Variants in NPTX1 observed in about 807,000 individuals in gnomAD.
NPTX1 encodes neuronal pentraxin-1.
Under a neutral mutation model 38.7 loss-of-function variants are expected in NPTX1, and 12 were observed. That is an observed-to-expected ratio of 0.31 (90% CI 0.20 to 0.50). The LOEUF (loss-of-function observed/expected upper bound fraction) is 0.50, where lower values mean the gene tolerates loss of function less well. Among genes scored for constraint, NPTX1 ranks in the 20% least tolerant of loss-of-function variants. NPTX1 has a pLI of 0.98. For missense variants in NPTX1, 454 were observed against 592.2 expected, an observed-to-expected ratio of 0.77 and a Z score of 2.42; for synonymous variants, 272 against 264.9, an observed-to-expected ratio of 1.03 and a Z score of -0.26.
chr17:80,476,116 G>T lies in NPTX1; in HGVS notation c.331C>A (p.Pro111Thr), dbSNP rs1401772233. 2.5e-6 allele frequency: 4 copies of T among 1,600,616 alleles called. No individual in the cohort carries two copies. Among genetic ancestry groups the T allele is most frequent in the Non-Finnish European group, 3.4e-6 (4 of 1,176,710 alleles). Residue 111 changes from proline (P) to threonine (T), a missense_variant, in exon 1 of 5, where the codon CCC becomes ACC. Coordinates refer to ENST00000306773, the MANE Select transcript of NPTX1 (RefSeq NM_002522.4). The surrounding 1 kb of genome is among the most constrained non-coding windows in gnomAD (Gnocchi z 6.3). ...EARAGGGRKQ[P>T]GSGKNTMGDL... ...CCCATGGTGTTCTTGCCCGAGCCGG[G>T]CTGCTTGCGGCCGCCGCCCGCCCGG...
chr17:80,470,837 G>A lies in NPTX1; in HGVS notation c.1275C>T (p.Phe425=), dbSNP rs757761368. The change falls in exon 5 of 5, where the codon TTC becomes TTT. Residue 425 remains phenylalanine, a synonymous_variant. Coordinates refer to ENST00000306773, the MANE Select transcript of NPTX1 (RefSeq NM_002522.4). ...EIYGGATKWT[F]EACRQIN ...CTCAGTTGATCTGGCGACAGGCCTC[G>A]AAGGTCCACTTGGTGGCCCCTCCGT... 2.8e-5 allele frequency: 45 copies of A among 1,600,374 alleles called. No homozygotes were observed. Among genetic ancestry groups the A allele is most frequent in the African/African-American group, 5.4e-5 (4 of 74,742 alleles).
At chr17:80,472,271 G>C (rs755343964) in intron 3 of NPTX1, among the ~76,000 whole-genome samples, 7 of 152,150 alleles carry the variant, frequency 4.6e-5, no homozygotes, top group Non-Finnish European at 1.0e-4. Flanking sequence ...GCCTCTCAAG[G>C]CTCCGTGCGA....
At position 80,467,430 on chromosome 17, in the gene NPTX1, G is replaced by C. The variant is rs377544013; in HGVS notation, c.*3383C>G. ...GGTTAGAACTGATATTCAAATCCTCGGCTCATTCCACTTAGTAAGTCAGCT... is the reference window on the plus strand; with the variant it reads ...GGTTAGAACTGATATTCAAATCCTCCGCTCATTCCACTTAGTAAGTCAGCT... On this transcript the variant is annotated 3_prime_UTR_variant, in exon 5 of 5. Transcript: ENST00000306773. The C allele has an allele frequency of 6.6e-6, 1 of 152,448 alleles. No individual in the cohort carries two copies. The highest frequency in any genetic ancestry group is 2.4e-5 in the African/African-American group (1 of 41,390). The allele number at this position is 152,448 out of a possible 1,614,324, so 9.4% of individuals were successfully genotyped here.
In NPTX1 at chr17:80,475,740, G is replaced by A; in HGVS notation, c.445-22C>T. ...ACTGCTGCGGGGTGCAAGGGCGGGG[G>A]AAACCACACCGTTAGGCGAGGCGCG... On this transcript the variant is annotated intron_variant, in intron 1 of 4. Transcript: ENST00000306773. This position sits in a 1 kb window ranked among gnomAD's most constrained non-coding sequence, Gnocchi z 6.5. 1 of 1,570,116 alleles carries A rather than the reference G, an allele frequency of 6.4e-7. No individual in the cohort carries two copies. The highest frequency in any genetic ancestry group is 1.1e-5 in the South Asian group (1 of 89,852).
At position 80,470,114 on chromosome 17, in the gene NPTX1, G is replaced by A. The variant is rs1489053542; in HGVS notation, c.*699C>T. 1 of 152,252 alleles carries A rather than the reference G, an allele frequency of 6.6e-6. No individual in the cohort carries two copies. The highest frequency in any genetic ancestry group is 1.9e-4 in the East Asian group (1 of 5,190). The allele number at this position is 152,252 out of a possible 1,614,324, so 9.4% of individuals were successfully genotyped here. ...GTCTGGCCCTGGGGTAAGGGCCAGT[G>A]TCCTCAGCCATCCCCTCTCCTCCAC... On this transcript the variant is annotated 3_prime_UTR_variant, in exon 5 of 5. Coordinates refer to ENST00000306773, the MANE Select transcript of NPTX1 (RefSeq NM_002522.4).
chr17:80,476,533 G>T lies in NPTX1; in HGVS notation c.-87C>A. ...GACCCGGCTCGGGCTGTGGCTCCGC[G>T]AGCGGCCCGCGCTCTGGGCGCCGCG... On this transcript the variant is annotated 5_prime_UTR_variant, in exon 1 of 5. Coordinates refer to ENST00000306773, the MANE Select transcript of NPTX1 (RefSeq NM_002522.4). The surrounding 1 kb of genome is among the most constrained non-coding windows in gnomAD (Gnocchi z 6.3). 6.7e-6 allele frequency: 5 copies of T among 749,904 alleles called. No homozygotes were observed. The highest frequency in any genetic ancestry group is 6.6e-6 in the Non-Finnish European group (4 of 609,466). 46.5% of individuals were successfully genotyped at this position (749,904 alleles called of 1,614,324 possible).
chr17:80,473,656 C>T (rs2083855730), intron 2 of NPTX1: 1 of 580,838 alleles, frequency 1.7e-6, no homozygotes, highest in Non-Finnish European at 3.1e-6. Flanking sequence ...TCTTCATGCT[C>T]CAGGTCTGGC....
chr17:80,476,106 C>A lies in NPTX1; in HGVS notation c.341G>T (p.Gly114Val). 1 of 1,603,980 alleles carries A rather than the reference C, an allele frequency of 6.2e-7. No individual in the cohort carries two copies. The highest frequency in any genetic ancestry group is 8.5e-7 in the Non-Finnish European group (1 of 1,177,616). Residue 114 changes from glycine to valine, a missense_variant, in exon 1 of 5, where the codon GGC becomes GTC. By Grantham distance (109) the Gly-to-Val change is moderately radical. Transcript: ENST00000306773. This position sits in a 1 kb window ranked among gnomAD's most constrained non-coding sequence, Gnocchi z 6.3. Reference sequence around the variant, plus strand: ...GGACAGGTCGCCCATGGTGTTCTTGCCCGAGCCGGGCTGCTTGCGGCCGCC... The same window carrying A: ...GGACAGGTCGCCCATGGTGTTCTTGACCGAGCCGGGCTGCTTGCGGCCGCC... Reference protein sequence around the residue: ...AGGGRKQPGSGKNTMGDLSRT... With the variant: ...AGGGRKQPGSVKNTMGDLSRT...
chr17:80,475,568 C>G lies in NPTX1; in HGVS notation c.595G>C (p.Val199Leu). Residue 199 changes from valine (V) to leucine (L), a missense_variant, in exon 2 of 5, where the codon GTC becomes CTC. Val to Leu is a conservative substitution (Grantham distance 32). Around this residue, in one of 4 missense-constraint regions of NPTX1, gnomAD observed 288 missense variants for 318.4 expected, o/e 0.90. Coordinates refer to ENST00000306773, the MANE Select transcript of NPTX1 (RefSeq NM_002522.4). The surrounding 1 kb of genome is among the most constrained non-coding windows in gnomAD (Gnocchi z 6.5). ...GGPRNDTEER[V>L]KIETALTSLH... The stretch of plus-strand genomic sequence containing the variant: ...GAGGTCAGGGCGGTCTCGATCTTGA[C>G]CCTCTCCTCGGTGTCGTTCCTGGGG... 1.2e-6 allele frequency: 2 copies of G among 1,612,964 alleles called. No homozygotes were observed. Among genetic ancestry groups the G allele is most frequent in the African/African-American group, 2.7e-5 (2 of 75,060 alleles).
intron 3 of NPTX1, among the ~76,000 whole-genome samples, 175 bp from the exon 4 acceptor site, chr17:80,472,086 G>C (rs983513882): frequency 3.9e-5 from 6 of 152,242 alleles, no homozygotes; most frequent in Non-Finnish European, 8.8e-5. Flanking sequence ...GCCCCGCCTG[G>C]GCGTGGGGCA....
rs147123532 is a variant in NPTX1, at chr17:80,471,678, C to T, written c.1077+54G>A. The T allele has an allele frequency of 4.5e-5, 70 of 1,565,754 alleles. 1 individual carries two copies. In the East Asian group the frequency reaches 1.5e-3, roughly 32 times the overall value. ...TCCCTCCTTGCTCCTCTTCCCCTTC[C>T]CAGCCTCTGGTTCTGAAGCTCTCTC... On this transcript the variant is annotated intron_variant, in intron 4 of 4. Coordinates refer to ENST00000306773, the MANE Select transcript of NPTX1 (RefSeq NM_002522.4).
intron 2 of NPTX1, chr17:80,473,794 A>T: frequency 3.3e-6 from 1 of 303,452 alleles, no homozygotes; most frequent in Non-Finnish European, 6.3e-6. Context: ...CCGCCAAGCC[A>T]AGTCAACCCA....
In NPTX1 at chr17:80,467,126, C is replaced by CTTTTT. The variant is rs57367856; in HGVS notation, c.*3682_*3686dup. ...AACAATATCAACCATAGGGGGTTTG[C>CTTTTT]TTTTTTTTTTTTTTTTTTTTTGGCA... On this transcript the variant is annotated 3_prime_UTR_variant, in exon 5 of 5. Coordinates refer to ENST00000306773, the MANE Select transcript of NPTX1 (RefSeq NM_002522.4). The CTTTTT allele has an allele frequency of 3.7e-4, 29 of 79,104 alleles. 1 individual carries two copies. Among genetic ancestry groups the CTTTTT allele is most frequent in the Middle Eastern group, 0.014 (1 of 70 alleles). 4.9% of individuals were successfully genotyped at this position (79,104 alleles called of 1,614,324 possible). A position where few individuals can be genotyped will look rare whatever the true frequency, so the allele number is the denominator to read the frequency against.
In NPTX1 at chr17:80,469,027, C is replaced by T. The variant is rs562151785; in HGVS notation, c.*1786G>A. 1.3e-5 allele frequency: 2 copies of T among 152,402 alleles called. No individual in the cohort carries two copies. Among genetic ancestry groups the T allele is most frequent in the African/African-American group, 4.8e-5 (2 of 41,564 alleles). 9.4% of individuals were successfully genotyped at this position (152,402 alleles called of 1,614,324 possible). A position where few individuals can be genotyped will look rare whatever the true frequency, so the allele number is the denominator to read the frequency against. On this transcript the variant is annotated 3_prime_UTR_variant, in exon 5 of 5. Coordinates refer to ENST00000306773, the MANE Select transcript of NPTX1 (RefSeq NM_002522.4). ...GAGTGATGCATTGCAGAACGGCGGCCGGGTACCGTGCAGACACCCACGAGA... is the reference window on the plus strand; with the variant it reads ...GAGTGATGCATTGCAGAACGGCGGCTGGGTACCGTGCAGACACCCACGAGA...
rs1368142199 is a variant in NPTX1 at position 80,470,934 on chromosome 17, T to G, written c.1178A>C (p.Asn393Thr). Reference protein sequence around the residue: ...DRKLTPGEVYNLATCSTKALS... With the variant: ...DRKLTPGEVYTLATCSTKALS... The stretch of plus-strand genomic sequence containing the variant: ...AGCCTTGGTGCTGCAGGTGGCCAGG[T>G]TGTACACCTCCCCGGGGGTCAGCTT... Residue 393 changes from asparagine to threonine, a missense_variant, in exon 5 of 5, where the codon AAC becomes ACC. Asn to Thr is a moderately conservative substitution (Grantham distance 65). Coordinates refer to ENST00000306773, the MANE Select transcript of NPTX1 (RefSeq NM_002522.4). The G allele has an allele frequency of 1.9e-6, 3 of 1,613,582 alleles. No homozygotes were observed. The highest frequency in any genetic ancestry group is 2.5e-6 in the Non-Finnish European group (3 of 1,179,770).
chr17:80,475,806 C>G lies in NPTX1; in HGVS notation c.445-88G>C. 2.7e-6 allele frequency: 3 copies of G among 1,100,182 alleles called. No homozygotes were observed. The South Asian group carries it at 4.6e-5, about 17-fold the overall frequency. The allele number at this position is 1,100,182 out of a possible 1,614,324, so 68.2% of individuals were successfully genotyped here. ...GGCCCGCGGCGCGGTCCCCTCTGGG[C>G]GACTGCGGGGGCGGCCTGGCAGGGA... is the stretch of plus-strand genomic sequence containing the variant. On this transcript the variant is annotated intron_variant, in intron 1 of 4. Coordinates refer to ENST00000306773, the MANE Select transcript of NPTX1 (RefSeq NM_002522.4). The surrounding 1 kb of genome is among the most constrained non-coding windows in gnomAD (Gnocchi z 6.5).
chr17:80,475,912 G>T lies in NPTX1; in HGVS notation c.444+91C>A. The T allele has an allele frequency of 8.7e-7, 1 of 1,147,770 alleles. No homozygotes were observed. The highest frequency in any genetic ancestry group is 1.2e-6 in the Non-Finnish European group (1 of 823,710). The allele number at this position is 1,147,770 out of a possible 1,614,324, so 71.1% of individuals were successfully genotyped here. A position where few individuals can be genotyped will look rare whatever the true frequency, so the allele number is the denominator to read the frequency against. Reference sequence around the variant, plus strand: ...CACCCGCGCGGCTGAGGCGAGGGCGGGGGATGCCTGGCCGGGTAGGGAACG... The same window carrying T: ...CACCCGCGCGGCTGAGGCGAGGGCGTGGGATGCCTGGCCGGGTAGGGAACG... On this transcript the variant is annotated intron_variant, in intron 1 of 4. Transcript: ENST00000306773. The surrounding 1 kb of genome is among the most constrained non-coding windows in gnomAD (Gnocchi z 6.5).
At position 80,471,641 on chromosome 17, in the gene NPTX1, C is replaced by T. The variant is rs1000424767; in HGVS notation, c.1077+91G>A. 6.8e-5 allele frequency: 103 copies of T among 1,505,818 alleles called. No homozygotes were observed. The South Asian group carries it at 9.6e-4, about 14-fold the overall frequency. The allele number at this position is 1,505,818 out of a possible 1,614,324, so 93.3% of individuals were successfully genotyped here. On this transcript the variant is annotated intron_variant, in intron 4 of 4. Coordinates refer to ENST00000306773, the MANE Select transcript of NPTX1 (RefSeq NM_002522.4). ...CTGCTTCTCAGGGGAACCACTTCTC[C>T]GGCTACCTCCCTCCCTCCTTGCTCC... is the stretch of plus-strand genomic sequence containing the variant.
rs536838571 is a variant in NPTX1 at position 80,469,976 on chromosome 17, G to A, written c.*837C>T. The A allele has an allele frequency of 6.6e-6, 1 of 152,632 alleles. No homozygotes were observed. Among genetic ancestry groups the A allele is most frequent in the South Asian group, 2.1e-4 (1 of 4,824 alleles). 9.5% of individuals were successfully genotyped at this position (152,632 alleles called of 1,614,324 possible). ...CCCCAGCCTTGCAGGATCTGAGGAG[G>A]TGGGAAGGTCGAGGGCAGGGCCGTC... On this transcript the variant is annotated 3_prime_UTR_variant, in exon 5 of 5. Coordinates refer to ENST00000306773, the MANE Select transcript of NPTX1 (RefSeq NM_002522.4).
Sources: allele counts gnomAD v4.1 joint callset (sites outside exome capture counted in the v4.1 genomes callset), GRCh38; gene constraint gnomAD v4.1.1; regional missense constraint gnomAD v4.1.1; non-coding constraint Gnocchi (gnomAD v3.1); transcripts MANE v1.5; gene names NCBI Gene and HGNC (gene_info 2026-07-23, HGNC 2026-07-21).